PHF24: variants seen among roughly 807,000 people sequenced by gnomAD.
The protein encoded by PHF24 is PHD finger protein 24, also known as Galpha inhibitory interacting protein.
PHF24 carries 25 observed loss-of-function variants against 42.6 expected under a neutral mutation model. The observed-to-expected ratio is 0.59, with a 90% confidence interval of 0.43 to 0.82. The LOEUF is 0.82. PHF24 is among the 40% of genes least tolerant of loss of function. The pLI, the probability that PHF24 is intolerant of heterozygous loss-of-function variation, is 0.00. For synonymous variants in PHF24, 185 were observed against 204.8 expected (o/e 0.90, Z 0.83); for missense variants, 470 against 538.1 (o/e 0.87, Z 1.25).
chr9:34,930,690 C>T, the PHF24 span, among the ~76,000 whole-genome samples: 228 of 152,240 alleles, frequency 1.5e-3, 1 homozygote, highest in Non-Finnish European at 2.5e-3. Context: ...AACAAAGAAG[C>T]TAACAAACTT....
chr9:34,793,688 G>A, the PHF24 span, among the ~76,000 whole-genome samples: 4 of 152,014 alleles, frequency 2.6e-5, no homozygotes, highest in South Asian at 2.1e-4. Flanking sequence ...CTCTAATTCC[G>A]GTTAAAGAGA....
chr9:34,872,363 C>T, the PHF24 span, among the ~76,000 whole-genome samples: 4 of 113,552 alleles, frequency 3.5e-5, no homozygotes, highest in Non-Finnish European at 5.3e-5. Flanking sequence ...CCCCTCCCCC[C>T]ACCCCACAAC....
chr9:34,902,999 A>T, the PHF24 span, among the ~76,000 whole-genome samples: 1 of 152,208 alleles, frequency 6.6e-6, no homozygotes, highest in Non-Finnish European at 1.5e-5. Context: ...ACTGAGCAGC[A>T]TTACCCAGTG....
chr9:34,789,109 C>T, the PHF24 span, among the ~76,000 whole-genome samples: 1 of 152,080 alleles, frequency 6.6e-6, no homozygotes, highest in African/African-American at 2.4e-5. Context: ...TGGATGGGAG[C>T]TAGGTGGGGA....
chr9:34,798,077 G>A, the PHF24 span, among the ~76,000 whole-genome samples: 1 of 152,154 alleles, frequency 6.6e-6, no homozygotes, highest in African/African-American at 2.4e-5. Flanking sequence ...GTTAGCATGG[G>A]GGAGATCTTT....
chr9:34,843,384 TAA>T, the PHF24 span, among the ~76,000 whole-genome samples: 1 of 152,144 alleles, frequency 6.6e-6, no homozygotes, highest in Non-Finnish European at 1.5e-5. Flanking sequence ...TGTAACAAGT[TAA>T]AAAAATATCA....
chr9:34,767,584 C>T, the PHF24 span, among the ~76,000 whole-genome samples: 2 of 152,192 alleles, frequency 1.3e-5, no homozygotes, highest in Non-Finnish European at 2.9e-5. Flanking sequence ...TGGGAGTGAC[C>T]CAATTTTCCA....
chr9:34,779,877 C>T, the PHF24 span, among the ~76,000 whole-genome samples: 5 of 152,192 alleles, frequency 3.3e-5, no homozygotes, highest in African/African-American at 1.2e-4. Context: ...AGGCGCCTGC[C>T]AACACGCCCC....
At chr9:34,686,186 C>T in the PHF24 span, among the ~76,000 whole-genome samples, 1 of 152,172 alleles carries the variant, frequency 6.6e-6, no homozygotes, top group Non-Finnish European at 1.5e-5. Flanking sequence ...CAGAGGGGCA[C>T]TTGCAGGAAA....
intron 1 of PHF24, among the ~76,000 whole-genome samples, chr9:34,963,935 GT>G (rs1826683413): frequency 6.6e-6 from 1 of 152,290 alleles, no homozygotes; most frequent in Non-Finnish European, 1.5e-5. Context: ...TAAATAAATT[GT>G]TTATGTTGCC....
the PHF24 span, chr9:34,833,241 G>C: frequency 6.5e-7 from 1 of 1,549,918 alleles, no homozygotes; most frequent in Non-Finnish European, 8.7e-7. Context: ...GGTTCCTCCA[G>C]GCTGGGGTTG....
the PHF24 span, among the ~76,000 whole-genome samples, chr9:34,759,956 G>A: frequency 3.3e-5 from 5 of 152,144 alleles, no homozygotes; most frequent in South Asian, 2.1e-4. Flanking sequence ...GTGCTTGTGC[G>A]GACAGGACAG....
the PHF24 span, among the ~76,000 whole-genome samples, chr9:34,735,239 G>A: frequency 2.7e-5 from 4 of 147,390 alleles, 2 homozygotes; most frequent in South Asian, 8.7e-4. Flanking sequence ...GGGTTCAAGC[G>A]ATTCTCCTGC....
At chr9:34,779,662 A>G in the PHF24 span, among the ~76,000 whole-genome samples, 4 of 152,242 alleles carry the variant, frequency 2.6e-5, no homozygotes, top group African/African-American at 4.8e-5. Context: ...CATAGTAGAC[A>G]TATAGACAAA....
At chr9:34,842,116 C>G in the PHF24 span, among the ~76,000 whole-genome samples, 1 of 152,176 alleles carries the variant, frequency 6.6e-6, no homozygotes, top group African/African-American at 2.4e-5. Flanking sequence ...TGGCTTCTTG[C>G]ACTCAGCCCA....
At chr9:34,835,862 C>G in the PHF24 span, 2 of 1,215,286 alleles carry the variant, frequency 1.6e-6, no homozygotes, top group Non-Finnish European at 2.4e-6. Context: ...TCAAAGGATA[C>G]ACTAGACAGA....
At chr9:34,899,593 C>T in the PHF24 span, among the ~76,000 whole-genome samples, 6 of 152,176 alleles carry the variant, frequency 3.9e-5, no homozygotes, top group Non-Finnish European at 7.3e-5. Context: ...TAGATGAGCA[C>T]GTTCATTAAT....
the PHF24 span, among the ~76,000 whole-genome samples, chr9:34,742,946 ATTG>A: frequency 3.4e-4 from 3 of 8,814 alleles, no homozygotes; most frequent in Non-Finnish European, 5.2e-4. Flanking sequence ...TTGTTGATGT[ATTG>A]TCTGTGGCTG....
the PHF24 span, among the ~76,000 whole-genome samples, chr9:34,771,492 A>G: frequency 1.3e-5 from 2 of 152,246 alleles, no homozygotes; most frequent in Non-Finnish European, 2.9e-5. Flanking sequence ...GACTATAATT[A>G]TAGACTCATG....
Sources: gnomAD v4.1 joint callset for allele counts (sites outside exome capture counted in the v4.1 genomes callset) on GRCh38, gnomAD v4.1.1 for gene constraint, MANE v1.5 for transcripts, NCBI Gene and HGNC (gene_info 2026-07-23, HGNC 2026-07-21) for gene names.